Variants in SLC37A1 observed in about 807,000 individuals in gnomAD.
SLC37A1 encodes the protein solute carrier family 37 member 1, also known as glucose-6-phosphate exchanger SLC37A1.
Under a neutral mutation model 75.3 loss-of-function variants are expected in SLC37A1, and 49 were observed. The observed-to-expected ratio is 0.65, with a 90% CI of 0.52 to 0.83. The LOEUF (loss-of-function observed/expected upper bound fraction) is 0.83. Ranked by LOEUF, SLC37A1 falls within the 40% of genes least tolerant of loss-of-function variation. The pLI is 0.00. For synonymous variants in SLC37A1, 268 were observed against 292.1 expected (o/e 0.92, Z 0.84); for missense variants, 566 against 695.0 (o/e 0.81, Z 2.09).
upstream of SLC37A1, among the ~76,000 whole-genome samples, chr21:42,511,514 G>A (rs934347634): frequency 3.3e-5 from 5 of 152,198 alleles, no homozygotes; most frequent in African/African-American, 1.2e-4. Flanking sequence ...GGCCAGGCAT[G>A]GTAGCTCACT....
intron 3 of SLC37A1, among the ~76,000 whole-genome samples, chr21:42,531,674 T>C (rs768835226): frequency 2.0e-5 from 3 of 152,180 alleles, no homozygotes; most frequent in Non-Finnish European, 4.4e-5. Flanking sequence ...GAGAATTTGC[T>C]CACCTGGCGA....
intron 1 of SLC37A1, among the ~76,000 whole-genome samples, chr21:42,515,526 TC>T (rs2054507980): frequency 6.6e-6 from 1 of 152,204 alleles, no homozygotes; most frequent in Non-Finnish European, 1.5e-5. Context: ...CTTGGAACCT[TC>T]TAGGCAGCGC....
intron 9 of SLC37A1, among the ~76,000 whole-genome samples, chr21:42,553,329 T>A (rs2055602335): frequency 6.6e-6 from 1 of 152,246 alleles, no homozygotes; most frequent in Non-Finnish European, 1.5e-5. Context: ...ACAGACTGAT[T>A]CCTTATTTTA....
In SLC37A1 at chr21:42,533,736, G is replaced by A. The variant is rs199622527; in HGVS notation, c.139-962G>A. The stretch of plus-strand genomic sequence containing the variant: ...CTGTGCAAAAAGCCTGGTGTTCAGC[G>A]TCACGGGTCCCAGTGACTTCTGTAA... On this transcript the variant is annotated intron_variant, in intron 3 of 19. Transcript: ENST00000352133. 2.2e-4 allele frequency among the ~76,000 whole-genome samples: 33 copies of A among 152,290 alleles called. No homozygotes were observed. In the South Asian group the frequency reaches 6.0e-3, roughly 28 times the overall value.
rs972238844 is a variant in SLC37A1 at position 42,547,952 on chromosome 21, G to A, written c.768+812G>A. On this transcript the variant is annotated intron_variant, in intron 9 of 19. Transcript: ENST00000352133. This position sits in a 1 kb window ranked among gnomAD's most constrained non-coding sequence, Gnocchi z 6.1. ...CCATCAGATCCCAGCAACGTCACCC[G>A]GACACATAGGGTGGTCAGCTCTCTG... Among the ~76,000 whole-genome samples, 11 of 152,096 alleles carry A rather than the reference G, an allele frequency of 7.2e-5. No individual in the cohort carries two copies. The highest frequency in any genetic ancestry group is 1.3e-4 in the Admixed American group (2 of 15,284).
chr21:42,536,504 C>T (rs933536623), intron 5 of SLC37A1, among the ~76,000 whole-genome samples: 2 of 152,126 alleles, frequency 1.3e-5, no homozygotes, highest in African/African-American at 4.8e-5. Flanking sequence ...TAGGGATGTT[C>T]TAGCCCATTT....
intron 11 of SLC37A1, 112 bp from the exon 12 acceptor site, chr21:42,561,966 C>A: frequency 1.1e-6 from 1 of 871,946 alleles, no homozygotes; most frequent in Non-Finnish European, 1.9e-6. Context: ...TAAAGCCAGA[C>A]CAGAGACAGG....
intron 12 of SLC37A1, among the ~76,000 whole-genome samples, chr21:42,562,777 G>GC: frequency 1.6e-5 from 1 of 64,044 alleles, no homozygotes; most frequent in Non-Finnish European, 3.9e-5. Flanking sequence ...CTGGCTGAGA[G>GC]GAAGCGGGGA....
chr21:42,566,831 A>G (rs2055991134), intron 15 of SLC37A1, among the ~76,000 whole-genome samples, 154 bp from the exon 16 acceptor site: 1 of 152,070 alleles, frequency 6.6e-6, no homozygotes, highest in Non-Finnish European at 1.5e-5. Flanking sequence ...GGAGGGTATG[A>G]TTTGCTTTAG....
At chr21:42,531,392 G>A (rs1436205917) in intron 3 of SLC37A1, among the ~76,000 whole-genome samples, 2 of 151,270 alleles carry the variant, frequency 1.3e-5, no homozygotes, top group Non-Finnish European at 1.5e-5. Flanking sequence ...TGACGCCCGC[G>A]TCTTCACAGG....
At chr21:42,576,965 G>A (rs2056321752) in intron 18 of SLC37A1, among the ~76,000 whole-genome samples, 1 of 152,180 alleles carries the variant, frequency 6.6e-6, no homozygotes, top group African/African-American at 2.4e-5. Context: ...ATGATAGACT[G>A]GATTTGAAGC....
Position 42,518,386 on chromosome 21 carries a change from C to T in SLC37A1, c.-69C>T, listed in dbSNP as rs2054563457. The T allele has an allele frequency of 6.3e-7, 1 of 1,595,872 alleles. No homozygotes were observed. Among genetic ancestry groups the T allele is most frequent in the Admixed American group, 1.7e-5 (1 of 59,962 alleles). ...GGGCAACAGAGAGAGGATCTGGAGC[C>T]AGGATTAATGACTCATTTATGAAGC... On this transcript the variant is annotated 5_prime_UTR_variant, in exon 2 of 20. Coordinates refer to ENST00000352133, the MANE Select transcript of SLC37A1 (RefSeq NM_001320537.2).
chr21:42,531,649 C>T (rs1214158785), intron 3 of SLC37A1, among the ~76,000 whole-genome samples: 1 of 152,192 alleles, frequency 6.6e-6, no homozygotes, highest in Non-Finnish European at 1.5e-5. Flanking sequence ...GGGTGCTTCC[C>T]TGAAGTGCTT....
intron 2 of SLC37A1, among the ~76,000 whole-genome samples, chr21:42,519,205 G>A (rs1052697428): frequency 3.9e-5 from 6 of 152,186 alleles, no homozygotes; most frequent in African/African-American, 1.4e-4. Context: ...CACCACTTAT[G>A]TACGAGAGGT....
At chr21:42,574,998 A>G in intron 18 of SLC37A1, 83 bp downstream of exon 18, 3 of 1,581,482 alleles carry the variant, frequency 1.9e-6, no homozygotes, top group Non-Finnish European at 2.6e-6. Flanking sequence ...ACTTTCTCCC[A>G]TGCATTCCTG....
At chr21:42,535,697 AG>A in intron 5 of SLC37A1, 147 bp downstream of exon 5, 1 of 699,504 alleles carries the variant, frequency 1.4e-6, no homozygotes, top group East Asian at 2.5e-5. Flanking sequence ...CCCAAAGACG[AG>A]GCCAAGCTTA....
chr21:42,543,846 C>T (rs975903454), intron 8 of SLC37A1, among the ~76,000 whole-genome samples: 4 of 152,252 alleles, frequency 2.6e-5, no homozygotes, highest in African/African-American at 9.6e-5. Context: ...TCCCGTCCTC[C>T]TGTCCTCCCT....
exon 1 of SLC37A1, chr21:42,499,663 G>A (rs2146673015): frequency 6.6e-6 from 1 of 152,378 alleles, no homozygotes; most frequent in South Asian, 2.1e-4. Context: ...GCTCTGCAGG[G>A]AGGAGGGAGG....
In SLC37A1 at chr21:42,561,870, G is replaced by A. The variant is rs569390266; in HGVS notation, c.982-208G>A. ...GGCCCCGCCCCTCCCTGGTGCCCCT[G>A]CTCGGGGTGAGCGCTCCACTGTTCC... On this transcript the variant is annotated intron_variant, in intron 11 of 19. Coordinates refer to ENST00000352133, the MANE Select transcript of SLC37A1 (RefSeq NM_001320537.2). The A allele has an allele frequency of 2.7e-5, 14 of 522,494 alleles. No individual in the cohort carries two copies. The East Asian group carries it at 3.9e-4, about 15-fold the overall frequency. 32.4% of individuals were successfully genotyped at this position (522,494 alleles called of 1,614,324 possible).
Sources: gnomAD v4.1 joint callset for allele counts (sites outside exome capture counted in the v4.1 genomes callset) on GRCh38, gnomAD v4.1.1 for gene constraint, Gnocchi (gnomAD v3.1) non-coding constraint, MANE v1.5 for transcripts, NCBI Gene and HGNC (gene_info 2026-07-23, HGNC 2026-07-21) for gene names.